The following SEZ6L variants were observed in gnomAD, a reference collection of about 807,000 sequenced individuals.
SEZ6L encodes seizure 6-like protein.
In SEZ6L, 37 loss-of-function variants were observed where a neutral mutation model predicts 106.2. That is an observed-to-expected ratio of 0.35 (90% CI 0.27 to 0.46). SEZ6L has a LOEUF of 0.46. Among genes scored for constraint, SEZ6L ranks in the 20% least tolerant of loss-of-function variants. SEZ6L has a pLI of 1.00. For synonymous variants in SEZ6L, 541 were observed against 570.4 expected, an observed-to-expected ratio of 0.95 and a Z score of 0.73; for missense variants, 1,172 against 1,332.8, an observed-to-expected ratio of 0.88 and a Z score of 1.88.
chr22:26,375,836 A>G (rs1482238967), intron 15 of SEZ6L, 147 bp downstream of exon 15: 2 of 615,228 alleles, frequency 3.3e-6, no homozygotes, highest in Non-Finnish European at 5.8e-6. Flanking sequence ...GCCCAGATTC[A>G]GCCCAACTCT....
chr22:26,314,214 T>C (rs1229934479), intron 9 of SEZ6L, among the ~76,000 whole-genome samples: 2 of 152,124 alleles, frequency 1.3e-5, no homozygotes, highest in Non-Finnish European at 2.9e-5. Context: ...CAATATGTGA[T>C]GTAAGGAGAG....
At position 26,340,296 on chromosome 22, in the gene SEZ6L, G is replaced by C. The variant is rs1601545648; in HGVS notation, c.2016-140G>C. 5 of 720,374 alleles carry C rather than the reference G, an allele frequency of 6.9e-6. No homozygotes were observed. The Admixed American group carries it at 1.2e-4, about 18-fold the overall frequency. The allele number at this position is 720,374 out of a possible 1,614,324, so 44.6% of individuals were successfully genotyped here. A position where few individuals can be genotyped will look rare whatever the true frequency, so the allele number is the denominator to read the frequency against. On this transcript the variant is annotated intron_variant, in intron 9 of 16. Coordinates refer to ENST00000248933, the MANE Select transcript of SEZ6L (RefSeq NM_021115.5). ...GCAGTCTATGTCAATCTTACCCTCA[G>C]CTTGGGGTTAAGACACATAGCCTGG...
rs2081323548 is a variant in SEZ6L at position 26,297,051 on chromosome 22, G to A, written c.1133G>A (p.Gly378Asp). ...SVYFRTFQDD[G>D]LGTFQLHYQA... Reference sequence around the variant, plus strand: ...TACTTCCGGACCTTCCAGGACGACGGCCTTGGGACCTTCCAGCTTCACTAC... The same window carrying A: ...TACTTCCGGACCTTCCAGGACGACGACCTTGGGACCTTCCAGCTTCACTAC... Residue 378 changes from glycine (G) to aspartate (D), a missense_variant, in exon 4 of 17, where the codon GGC becomes GAC. Physicochemically the swap from Gly to Asp is moderately conservative, Grantham distance 94 (BLOSUM62 -1). This residue lies in a region of SEZ6L where 534 missense variants were observed against 691.0 expected (regional missense o/e 0.77). Coordinates refer to ENST00000248933, the MANE Select transcript of SEZ6L (RefSeq NM_021115.5). 6.2e-6 allele frequency: 10 copies of A among 1,613,414 alleles called. No homozygotes were observed. Among genetic ancestry groups the A allele is most frequent in the East Asian group, 2.2e-5 (1 of 44,854 alleles).
intron 12 of SEZ6L, among the ~76,000 whole-genome samples, chr22:26,353,454 T>G: frequency 6.6e-6 from 1 of 152,178 alleles, no homozygotes; most frequent in South Asian, 2.1e-4. Flanking sequence ...GTAAGACACA[T>G]TTCTAGACAC....
chr22:26,275,456 T>C (rs1191172556), intron 1 of SEZ6L, among the ~76,000 whole-genome samples: 2 of 152,188 alleles, frequency 1.3e-5, no homozygotes, highest in African/African-American at 4.8e-5. Context: ...AGTCAGGATG[T>C]AACCCCATCA....
intron 1 of SEZ6L, among the ~76,000 whole-genome samples, chr22:26,282,169 C>T (rs550761652): frequency 1.3e-5 from 2 of 152,326 alleles, no homozygotes; most frequent in South Asian, 4.1e-4. Flanking sequence ...AAGCTCTTGC[C>T]GTGTTACACT....
chr22:26,294,212 C>A, intron 2 of SEZ6L, 80 bp from the exon 3 acceptor site: 3 of 1,436,642 alleles, frequency 2.1e-6, no homozygotes, highest in Non-Finnish European at 2.9e-6. Flanking sequence ...TCCCCTAAAG[C>A]CCCCATTCCA....
rs191282449 is a variant in SEZ6L, at chr22:26,220,949, T to C, written c.94+51186T>C. Reference sequence around the variant, plus strand: ...GATGGGTGGATGGATGGATGATGAGTGGTTGATTGGAGGGAAGGAAGAAAG... The same window carrying C: ...GATGGGTGGATGGATGGATGATGAGCGGTTGATTGGAGGGAAGGAAGAAAG... On this transcript the variant is annotated intron_variant, in intron 1 of 16. Coordinates refer to ENST00000248933, the MANE Select transcript of SEZ6L (RefSeq NM_021115.5). Among the ~76,000 whole-genome samples the C allele has an allele frequency of 5.1e-3, 756 of 148,710 alleles. 10 individuals are homozygous for C. Among genetic ancestry groups the C allele is most frequent in the African/African-American group, 0.018 (716 of 40,378 alleles).
intron 1 of SEZ6L, among the ~76,000 whole-genome samples, chr22:26,189,576 A>G (rs1940033505): frequency 1.3e-5 from 2 of 150,060 alleles, no homozygotes; most frequent in Non-Finnish European, 2.9e-5. Context: ...CCAATATACT[A>G]TAACAACTAT....
chr22:26,169,650 C>G lies in SEZ6L; in HGVS notation c.-20C>G. ...TCCGCCCGCCCCACAGCCAGCGGCTCCGCGCCCCCTGCAGCCACGATGCCC... is the reference window on the plus strand; with the variant it reads ...TCCGCCCGCCCCACAGCCAGCGGCTGCGCGCCCCCTGCAGCCACGATGCCC... On this transcript the variant is annotated 5_prime_UTR_variant, in exon 1 of 17. Coordinates refer to ENST00000248933, the MANE Select transcript of SEZ6L (RefSeq NM_021115.5). 1 of 1,096,340 alleles carries G rather than the reference C, an allele frequency of 9.1e-7. No homozygotes were observed. The highest frequency in any genetic ancestry group is 1.2e-6 in the Non-Finnish European group (1 of 826,458). 67.9% of individuals were successfully genotyped at this position (1,096,340 alleles called of 1,614,324 possible). A position where few individuals can be genotyped will look rare whatever the true frequency, so the allele number is the denominator to read the frequency against.
intron 5 of SEZ6L, 143 bp from the exon 6 acceptor site, chr22:26,305,836 C>G (rs1417705739): frequency 1.1e-6 from 1 of 877,040 alleles, no homozygotes; most frequent in Non-Finnish European, 1.6e-6. Flanking sequence ...GATGTTTCAT[C>G]CTGGGCAAGG....
chr22:26,317,228 G>A (rs549095797), intron 9 of SEZ6L, among the ~76,000 whole-genome samples: 28 of 152,120 alleles, frequency 1.8e-4, no homozygotes, highest in African/African-American at 2.2e-4. Context: ...CTTCTGTGTC[G>A]CCCCCTTGTC....
At chr22:26,351,549 G>GT (rs775270827) in intron 12 of SEZ6L, 11 of 263,932 alleles carry the variant, frequency 4.2e-5, no homozygotes, top group East Asian at 8.2e-5. Context: ...TTGTTTGTTG[G>GT]TTGGTTGGTT....
chr22:26,231,220 T>A (rs996225817), intron 1 of SEZ6L, among the ~76,000 whole-genome samples: 20 of 151,926 alleles, frequency 1.3e-4, no homozygotes, highest in Non-Finnish European at 1.5e-5. Flanking sequence ...AATTAAGGGG[T>A]GGTTTATGCA....
chr22:26,260,684 A>G (rs1400593718), intron 1 of SEZ6L, among the ~76,000 whole-genome samples: 2 of 152,186 alleles, frequency 1.3e-5, no homozygotes, highest in Non-Finnish European at 2.9e-5. Context: ...TTGTGCTGCT[A>G]TAATCATGTG....
intron 1 of SEZ6L, among the ~76,000 whole-genome samples, chr22:26,201,382 C>CAA (rs71192905): frequency 0.087 from 6,558 of 75,178 alleles, 299 homozygotes; most frequent in East Asian, 0.21. Flanking sequence ...TACAAAAATA[C>CAA]AAAAAAAAAA....
At chr22:26,273,510 G>T (rs1269878543) in intron 1 of SEZ6L, among the ~76,000 whole-genome samples, 1 of 152,262 alleles carries the variant, frequency 6.6e-6, no homozygotes, top group African/African-American at 2.4e-5. Flanking sequence ...GTTCTTGTTG[G>T]CTGCGAGAGC....
At chr22:26,220,892 AATGGATGG>A (rs56187164) in intron 1 of SEZ6L, among the ~76,000 whole-genome samples, 2,809 of 149,316 alleles carry the variant, frequency 0.019, 81 homozygotes, top group African/African-American at 0.06. Flanking sequence ...ATACTGTATG[AATGGATGG>A]ATGGATGGAT....
intron 1 of SEZ6L, among the ~76,000 whole-genome samples, chr22:26,273,900 C>T (rs1381335076): frequency 6.6e-6 from 1 of 152,180 alleles, no homozygotes; most frequent in African/African-American, 2.4e-5. Flanking sequence ...CTCAAGTGGA[C>T]TGAGAAGTCA....
Sources: gnomAD v4.1 joint callset for allele counts (sites outside exome capture counted in the v4.1 genomes callset) on GRCh38, gnomAD v4.1.1 for gene constraint, gnomAD v4.1.1 regional missense constraint, MANE v1.5 for transcripts, NCBI Gene and HGNC (gene_info 2026-07-23, HGNC 2026-07-21) for gene names.